CHN2: variants seen among roughly 807,000 people sequenced by gnomAD.
The protein encoded by CHN2 is chimerin 2, also known as beta-chimaerin.
CHN2 carries 35 observed loss-of-function variants against 56.3 expected under a neutral mutation model. The observed-to-expected ratio is 0.62, with a 90% CI of 0.47 to 0.82. CHN2 has a LOEUF of 0.82. Ranked by LOEUF, CHN2 falls within the 40% of genes least tolerant of loss-of-function variation. CHN2 has a pLI of 0.00. For synonymous variants in CHN2, 210 were observed against 212.8 expected, an observed-to-expected ratio of 0.99 and a Z score of 0.12; for missense variants, 491 against 580.5, an observed-to-expected ratio of 0.85 and a Z score of 1.58.
At chr7:29,465,605 T>G (rs895121914) in intron 6 of CHN2, among the ~76,000 whole-genome samples, 1 of 152,220 alleles carries the variant, frequency 6.6e-6, no homozygotes, top group East Asian at 1.9e-4. Context: ...GACAGCTTAC[T>G]TAGCTCCAGA....
In CHN2 at chr7:29,384,056, C is replaced by T. The variant is rs187193221; in HGVS notation, c.145-9623C>T. ...AGGGAGGAGTCAGAGATTATGATTTCTAGCTTGGGCATTGAGTGGGTGATA... is the reference window on the plus strand; with the variant it reads ...AGGGAGGAGTCAGAGATTATGATTTTTAGCTTGGGCATTGAGTGGGTGATA... On this transcript the variant is annotated intron_variant, in intron 3 of 12. Transcript: ENST00000222792. Among the ~76,000 whole-genome samples, 3 of 152,266 alleles carry T rather than the reference C, an allele frequency of 2.0e-5. No individual in the cohort carries two copies. In the East Asian group the frequency reaches 5.8e-4, roughly 29 times the overall value.
At chr7:29,452,159 G>T (rs985977149) in intron 6 of CHN2, among the ~76,000 whole-genome samples, 7 of 152,216 alleles carry the variant, frequency 4.6e-5, no homozygotes, top group Admixed American at 4.6e-4. Flanking sequence ...AAATTATATA[G>T]TTGGGACTGT....
At chr7:29,402,269 C>A (rs1325216007) in intron 6 of CHN2, among the ~76,000 whole-genome samples, 1 of 152,184 alleles carries the variant, frequency 6.6e-6, no homozygotes, top group African/African-American at 2.4e-5. Flanking sequence ...GGAGAACCTT[C>A]CACAGAATCA....
intron 1 of CHN2, among the ~76,000 whole-genome samples, chr7:29,309,634 A>T (rs1794437955): frequency 6.6e-6 from 1 of 152,216 alleles, no homozygotes; most frequent in African/African-American, 2.4e-5. Context: ...GAAATAAATG[A>T]TGCATAATCA....
At chr7:29,325,283 GAC>G (rs1305466162) in intron 1 of CHN2, among the ~76,000 whole-genome samples, 1 of 152,312 alleles carries the variant, frequency 6.6e-6, no homozygotes, top group African/African-American at 2.4e-5. Flanking sequence ...CTAAGCCCAT[GAC>G]ACAGTTTGCC....
intron 2 of CHN2, among the ~76,000 whole-genome samples, chr7:29,151,482 T>C (rs1455375979): frequency 1.3e-5 from 2 of 152,188 alleles, no homozygotes; most frequent in Non-Finnish European, 2.9e-5. Flanking sequence ...GGGATTAATA[T>C]AGACATGGCC....
chr7:29,211,815 C>G (rs1286104822), intron 1 of CHN2, among the ~76,000 whole-genome samples: 1 of 151,802 alleles, frequency 6.6e-6, no homozygotes, highest in Non-Finnish European at 1.5e-5. Context: ...CTGCGTAGCA[C>G]TATTTTATTG....
At chr7:29,371,425 C>A (rs2128045021) in intron 3 of CHN2, among the ~76,000 whole-genome samples, 1 of 152,296 alleles carries the variant, frequency 6.6e-6, no homozygotes, top group African/African-American at 2.4e-5. Context: ...GCCGCAGCAC[C>A]TGATGCTCTG....
At chr7:29,503,918 C>T (rs10262896) in intron 9 of CHN2, among the ~76,000 whole-genome samples, 23,788 of 152,132 alleles carry the variant, frequency 0.16, 2,047 homozygotes, top group Admixed American at 0.19. Context: ...GGAACTGACT[C>T]GTTTTTAGGA....
At chr7:29,374,843 T>TCCTTCCTTCCTC (rs1562557489) in intron 3 of CHN2, among the ~76,000 whole-genome samples, 1 of 147,444 alleles carries the variant, frequency 6.8e-6, no homozygotes, top group African/African-American at 2.6e-5. Flanking sequence ...CTTCCTTCCT[T>TCCTTCCTTCCTC]CCTTCCTGCC....
At chr7:29,193,450 C>T (rs1219523824), upstream of CHN2, 7 of 152,164 alleles carry the variant, frequency 4.6e-5, no homozygotes, top group African/African-American at 1.7e-4. Context: ...AAAAGTTGAA[C>T]TACCCCAATG....
intron 2 of CHN2, among the ~76,000 whole-genome samples, chr7:29,173,345 A>T (rs1796861619): frequency 6.6e-6 from 1 of 151,980 alleles, no homozygotes. Flanking sequence ...CAGCCATATA[A>T]TTTATCCTCC....
intron 2 of CHN2, among the ~76,000 whole-genome samples, chr7:29,150,504 C>T (rs904780476): frequency 3.9e-5 from 6 of 152,120 alleles, no homozygotes; most frequent in Admixed American, 6.5e-5. Context: ...GACCTATAGC[C>T]GGAGCTTTGC....
At chr7:29,211,066 TTTTTGTTG>T (rs891055327) in intron 1 of CHN2, among the ~76,000 whole-genome samples, 13 of 101,058 alleles carry the variant, frequency 1.3e-4, no homozygotes, top group African/African-American at 5.2e-4. Context: ...TTTGTTTTTT[TTTTTGTTG>T]TTGTTGTTGT....
rs1803849531 is a variant in CHN2 at position 29,417,213 on chromosome 7, T to C, written c.576+16385T>C. ...CAAATGGGCTTTTGTATTTCCAAGG[T>C]ACTTCATCAACATTTGTTGAGAAAA... On this transcript the variant is annotated intron_variant, in intron 6 of 12. Transcript: ENST00000222792. 2.0e-5 allele frequency among the ~76,000 whole-genome samples: 3 copies of C among 152,070 alleles called. No homozygotes were observed. In the South Asian group the frequency reaches 6.2e-4, roughly 32 times the overall value.
intron 9 of CHN2, among the ~76,000 whole-genome samples, chr7:29,500,309 G>T (rs1294364710): frequency 6.6e-6 from 1 of 152,042 alleles, no homozygotes; most frequent in Non-Finnish European, 1.5e-5. Context: ...GGTAATAAAG[G>T]TCACCATTCT....
At chr7:29,172,522 A>G (rs1326251482) in intron 2 of CHN2, among the ~76,000 whole-genome samples, 1 of 152,228 alleles carries the variant, frequency 6.6e-6, no homozygotes, top group Non-Finnish European at 1.5e-5. Flanking sequence ...CATTGGAATC[A>G]ATTTGATTTC....
At chr7:29,164,212 G>A (rs1374928596) in intron 2 of CHN2, among the ~76,000 whole-genome samples, 7 of 152,104 alleles carry the variant, frequency 4.6e-5, no homozygotes, top group African/African-American at 1.4e-4. Context: ...TCAACTCACC[G>A]TGATTTAAAC....
At chr7:29,360,656 G>A (rs1030704942) in intron 2 of CHN2, among the ~76,000 whole-genome samples, 2 of 152,228 alleles carry the variant, frequency 1.3e-5, no homozygotes, top group Non-Finnish European at 2.9e-5. Flanking sequence ...ATGAAAATCG[G>A]GAAGACATGA....
Sources: gnomAD v4.1 joint callset for allele counts (sites outside exome capture counted in the v4.1 genomes callset) on GRCh38, gnomAD v4.1.1 for gene constraint, MANE v1.5 for transcripts, NCBI Gene and HGNC (gene_info 2026-07-23, HGNC 2026-07-21) for gene names.